PHACTR2: variants seen among roughly 807,000 people sequenced by gnomAD.
PHACTR2 encodes the protein chromosome 6 open reading frame 56.
In PHACTR2, 30 loss-of-function variants were observed where a neutral mutation model predicts 76.0. The ratio of observed to expected loss-of-function variants is 0.39; its 90% CI spans 0.30 to 0.54. The LOEUF is 0.54. Among genes scored for constraint, PHACTR2 ranks in the 20% least tolerant of loss-of-function variants. PHACTR2 has a pLI of 0.61. For missense variants in PHACTR2, 696 were observed against 781.1 expected (o/e 0.89, Z 1.30); for synonymous variants, 292 against 292.5 (o/e 1.00, Z 0.02).
rs1483367709 is a variant in PHACTR2 at position 143,757,761 on chromosome 6, C to T, written c.455-2640C>T. 2.0e-5 allele frequency among the ~76,000 whole-genome samples: 3 copies of T among 152,176 alleles called. No individual in the cohort carries two copies. The highest frequency in any genetic ancestry group is 7.2e-5 in the African/African-American group (3 of 41,432). ...GACATAATTCATTACCTCCCAGCTC[C>T]AACTAAAGCTCTGTTTTCTACTGAT... On this transcript the variant is annotated intron_variant, in intron 4 of 12. Coordinates refer to ENST00000440869, the MANE Select transcript of PHACTR2 (RefSeq NM_001100164.2). This position sits in a 1 kb window ranked among gnomAD's most constrained non-coding sequence, Gnocchi z 4.2.
At chr6:143,634,992 G>C (rs990333199) in intron 1 of PHACTR2, among the ~76,000 whole-genome samples, 4 of 151,968 alleles carry the variant, frequency 2.6e-5, no homozygotes, top group African/African-American at 9.7e-5. Flanking sequence ...CACAGAACAT[G>C]TATCTACTCT....
At chr6:143,590,223 C>T (rs895898806) in intron 1 of PHACTR2, among the ~76,000 whole-genome samples, 29 of 151,890 alleles carry the variant, frequency 1.9e-4, no homozygotes, top group African/African-American at 6.0e-4. Flanking sequence ...GTATTTTCCC[C>T]GTATTTGGTC....
In PHACTR2 at chr6:143,793,383, G is replaced by A. The variant is rs1006932619; in HGVS notation, c.1845+4473G>A. Among the ~76,000 whole-genome samples the A allele has an allele frequency of 1.3e-5, 2 of 152,114 alleles. No individual in the cohort carries two copies. Among genetic ancestry groups the A allele is most frequent in the African/African-American group, 4.8e-5 (2 of 41,504 alleles). ...ACAGGCTTTGTTTCTGTTCATGAGT[G>A]CTTTGAAGGCATATGACTTTGACAT... On this transcript the variant is annotated intron_variant, in intron 11 of 12. Coordinates refer to ENST00000440869, the MANE Select transcript of PHACTR2 (RefSeq NM_001100164.2). This position sits in a 1 kb window ranked among gnomAD's most constrained non-coding sequence, Gnocchi z 4.4.
At chr6:143,735,580 C>T (rs2128466544) in intron 2 of PHACTR2, among the ~76,000 whole-genome samples, 1 of 152,198 alleles carries the variant, frequency 6.6e-6, no homozygotes, top group East Asian at 1.9e-4. Flanking sequence ...GCCCATTCAA[C>T]AACTTCCCAT....
intron 1 of PHACTR2, among the ~76,000 whole-genome samples, chr6:143,615,628 A>T (rs1776047057): frequency 6.6e-6 from 1 of 152,224 alleles, no homozygotes; most frequent in Non-Finnish European, 1.5e-5. Context: ...TTGTAAAAAA[A>T]ATTATTCAAA....
chr6:143,745,051 C>A (rs996367307), intron 2 of PHACTR2, among the ~76,000 whole-genome samples: 1 of 152,188 alleles, frequency 6.6e-6, no homozygotes. Context: ...GACACCTTAG[C>A]TACTGTATTC....
At chr6:143,693,786 T>C (rs1777705650) in intron 1 of PHACTR2, among the ~76,000 whole-genome samples, 2 of 152,220 alleles carry the variant, frequency 1.3e-5, no homozygotes. Context: ...AATTAACCAG[T>C]GTGACTAGGC....
At chr6:143,758,427 T>C (rs1358866530) in intron 4 of PHACTR2, among the ~76,000 whole-genome samples, 1 of 152,232 alleles carries the variant, frequency 6.6e-6, no homozygotes, top group African/African-American at 2.4e-5. Flanking sequence ...AAGAATAGAC[T>C]TCAACCATAT....
chr6:143,680,118 A>C lies in PHACTR2; in HGVS notation c.46+1909A>C, dbSNP rs1354053418. Among the ~76,000 whole-genome samples the C allele has an allele frequency of 1.3e-5, 2 of 151,972 alleles. No individual in the cohort carries two copies. The highest frequency in any genetic ancestry group is 2.4e-5 in the African/African-American group (1 of 41,346). The stretch of plus-strand genomic sequence containing the variant: ...CGTTAGAGCTACCCTGTTTCCCTGA[A>C]GGTTTGCCATCAGATTCCAAATGAA... On this transcript the variant is annotated intron_variant, in intron 1 of 12. Coordinates refer to ENST00000440869, the MANE Select transcript of PHACTR2 (RefSeq NM_001100164.2). This position sits in a 1 kb window ranked among gnomAD's most constrained non-coding sequence, Gnocchi z 4.5.
At chr6:143,788,647 T>A in intron 10 of PHACTR2, 126 bp from the exon 11 acceptor site, 1 of 579,004 alleles carries the variant, frequency 1.7e-6, no homozygotes, top group Non-Finnish European at 2.7e-6. Flanking sequence ...GTTGCCTTTT[T>A]TTTTTTTTTT....
In PHACTR2 at chr6:143,625,392, T is replaced by G. The variant is rs1253971251; in HGVS notation, c.13+17070T>G. Among the ~76,000 whole-genome samples the G allele has an allele frequency of 6.6e-6, 1 of 152,172 alleles. No homozygotes were observed. On this transcript the variant is annotated intron_variant, in intron 1 of 11. Transcript: ENST00000305766. This position sits in a 1 kb window ranked among gnomAD's most constrained non-coding sequence, Gnocchi z 4.3. Reference sequence around the variant, plus strand: ...AAAAATAAATATTTAAGTTATAAATTTATTAGTTATTTATAACTTAATCTT... The same window carrying G: ...AAAAATAAATATTTAAGTTATAAATGTATTAGTTATTTATAACTTAATCTT...
intron 1 of PHACTR2, among the ~76,000 whole-genome samples, chr6:143,638,895 G>A (rs1776515689): frequency 6.6e-6 from 1 of 152,050 alleles, no homozygotes. Context: ...CTGCCCAATT[G>A]CATATTTGTC....
rs80072013 is a variant in PHACTR2, at chr6:143,616,908, C to A, written c.13+8586C>A. ...AGTGGCCGGCAAACACACACGCCCC[C>A]AGACAGGACGTTGACTGGGATGTCT... On this transcript the variant is annotated intron_variant, in intron 1 of 11. Transcript: ENST00000305766. The surrounding 1 kb of genome is among the most constrained non-coding windows in gnomAD (Gnocchi z 4.9). Among the ~76,000 whole-genome samples the A allele has an allele frequency of 8.9e-3, 1,349 of 152,242 alleles. 24 individuals are homozygous for A. The highest frequency in any genetic ancestry group is 0.031 in the African/African-American group (1,287 of 41,550).
At position 143,775,985 on chromosome 6, in the gene PHACTR2, G is replaced by A. The variant is rs911289394; in HGVS notation, c.1590-1343G>A. Among the ~76,000 whole-genome samples, 4 of 152,078 alleles carry A rather than the reference G, an allele frequency of 2.6e-5. No individual in the cohort carries two copies. The highest frequency in any genetic ancestry group is 9.7e-5 in the African/African-American group (4 of 41,404). ...GTTTCTACTAAAAATACAAATATTA[G>A]CCAGCTATGATGACTGGCACCTGTA... On this transcript the variant is annotated intron_variant, in intron 8 of 12. Transcript: ENST00000440869. This position sits in a 1 kb window ranked among gnomAD's most constrained non-coding sequence, Gnocchi z 4.4.
Position 143,755,450 on chromosome 6 carries a change from A to G in PHACTR2, c.454+1538A>G. 2 of 426,656 alleles carry G rather than the reference A, an allele frequency of 4.7e-6. No individual in the cohort carries two copies. The highest frequency in any genetic ancestry group is 5.4e-5 in the Admixed American group (2 of 36,946). 26.4% of individuals were successfully genotyped at this position (426,656 alleles called of 1,614,324 possible). A position where few individuals can be genotyped will look rare whatever the true frequency, so the allele number is the denominator to read the frequency against. On this transcript the variant is annotated intron_variant, in intron 4 of 12. Transcript: ENST00000440869. The surrounding 1 kb of genome is among the most constrained non-coding windows in gnomAD (Gnocchi z 5.2). ...ACTGGACTGGCCAGACATCAAAGGA[A>G]GTGTTTCCCTTATCAACATAATAAA...
rs893651869 is a variant in PHACTR2 at position 143,647,778 on chromosome 6, G to A, written c.13+39456G>A. On this transcript the variant is annotated intron_variant, in intron 1 of 11. Coordinates refer to the PHACTR2 transcript ENST00000305766. This position sits in a 1 kb window ranked among gnomAD's most constrained non-coding sequence, Gnocchi z 4.2. ...TGCACAGCCCCCTGTGCTGGGAATAGGCTTGTGTCTGAGAACCACAAAAAA... is the reference window on the plus strand; with the variant it reads ...TGCACAGCCCCCTGTGCTGGGAATAAGCTTGTGTCTGAGAACCACAAAAAA... Among the ~76,000 whole-genome samples, 12 of 152,314 alleles carry A rather than the reference G, an allele frequency of 7.9e-5. No individual in the cohort carries two copies. The highest frequency in any genetic ancestry group is 2.6e-4 in the African/African-American group (11 of 41,566).
At chr6:143,677,077 T>C (rs1006278310), upstream of PHACTR2, among the ~76,000 whole-genome samples, 1 of 152,200 alleles carries the variant, frequency 6.6e-6, no homozygotes, top group Non-Finnish European at 1.5e-5. Context: ...TTTTACATTT[T>C]AATGAAATAT....
At position 143,651,504 on chromosome 6, in the gene PHACTR2, G is replaced by A. The variant is rs574444280; in HGVS notation, c.13+43182G>A. On this transcript the variant is annotated intron_variant, in intron 1 of 11. Coordinates refer to the PHACTR2 transcript ENST00000305766. ...GTATATATACACCGTGGAATACTAT[G>A]CAGCCATAAAAAGGAATGAGATAAA... Among the ~76,000 whole-genome samples the A allele has an allele frequency of 2.0e-5, 3 of 152,240 alleles. No homozygotes were observed. In the South Asian group the frequency reaches 6.2e-4, roughly 32 times the overall value.
At chr6:143,768,366 G>A (rs1293653607) in intron 6 of PHACTR2, among the ~76,000 whole-genome samples, 4 of 152,156 alleles carry the variant, frequency 2.6e-5, no homozygotes, top group Non-Finnish European at 1.5e-5. Flanking sequence ...AAGTGAGCAA[G>A]GCAATATAGT....
Sources: allele counts gnomAD v4.1 joint callset (sites outside exome capture counted in the v4.1 genomes callset), GRCh38; gene constraint gnomAD v4.1.1; non-coding constraint Gnocchi (gnomAD v3.1); transcripts MANE v1.5; gene names NCBI Gene and HGNC (gene_info 2026-07-23, HGNC 2026-07-21).